Variants in MDGA2 observed in about 807,000 individuals in gnomAD.
MDGA2 encodes the protein MAM domain-containing glycosylphosphatidylinositol anchor protein 2.
MDGA2 carries 40 observed loss-of-function variants against 117.8 expected under a neutral mutation model. That is an observed-to-expected ratio of 0.34 (90% confidence interval 0.26 to 0.44). The LOEUF (loss-of-function observed/expected upper bound fraction) is 0.44. MDGA2 is among the 20% of genes least tolerant of loss of function. MDGA2 has a pLI of 1.00. For missense variants in MDGA2, 1,123 were observed against 1,250.6 expected (o/e 0.90, Z 1.54); for synonymous variants, 452 against 439.0 (o/e 1.03, Z -0.37).
Position 46,840,736 on chromosome 14 carries a change from T to C in MDGA2, c.*1195A>G, listed in dbSNP as rs544786578. On this transcript the variant is annotated 3_prime_UTR_variant, in exon 17 of 17. Transcript: ENST00000399232. ...GGCCAATTTCATTTCAAATGGAGGT[T>C]AGAGTAAAAAAATCACTTTTGTGTT... 2.2e-4 allele frequency: 33 copies of C among 152,622 alleles called. No individual in the cohort carries two copies. Among genetic ancestry groups the C allele is most frequent in the Middle Eastern group, 3.4e-3 (1 of 294 alleles). The allele number at this position is 152,622 out of a possible 1,614,324, so 9.5% of individuals were successfully genotyped here. A position where few individuals can be genotyped will look rare whatever the true frequency, so the allele number is the denominator to read the frequency against.
intron 2 of MDGA2, among the ~76,000 whole-genome samples, chr14:47,272,358 A>G (rs1011801960): frequency 1.3e-5 from 2 of 152,186 alleles, no homozygotes; most frequent in Non-Finnish European, 2.9e-5. Flanking sequence ...TGAATGGCCA[A>G]GCTATCTCTG....
chr14:47,038,184 G>A (rs1402062046), intron 7 of MDGA2, among the ~76,000 whole-genome samples: 2 of 151,996 alleles, frequency 1.3e-5, no homozygotes, highest in Non-Finnish European at 1.5e-5. Flanking sequence ...TACCCTCCTC[G>A]GCCTCCCAAA....
At chr14:47,497,203 A>T (rs547430820) in intron 1 of MDGA2, among the ~76,000 whole-genome samples, 5 of 152,212 alleles carry the variant, frequency 3.3e-5, no homozygotes, top group South Asian at 2.1e-4. Flanking sequence ...AAATTTAGAA[A>T]CCATTAAAAA....
At chr14:47,329,576 A>T (rs1890237236) in intron 1 of MDGA2, among the ~76,000 whole-genome samples, 1 of 152,040 alleles carries the variant, frequency 6.6e-6, no homozygotes, top group Non-Finnish European at 1.5e-5. Flanking sequence ...TCCAGAAACA[A>T]AAGTAAAGTT....
intron 9 of MDGA2, among the ~76,000 whole-genome samples, chr14:46,938,048 C>T (rs1370142897): frequency 6.6e-6 from 1 of 152,092 alleles, no homozygotes; most frequent in Non-Finnish European, 1.5e-5. Flanking sequence ...GCAAACTATT[C>T]ATATTACAGG....
rs551212565 is a variant in MDGA2 at position 46,862,575 on chromosome 14, T to C, written c.2753-7421A>G. On this transcript the variant is annotated intron_variant, in intron 14 of 16. Coordinates refer to ENST00000399232, the MANE Select transcript of MDGA2 (RefSeq NM_001113498.3). Reference sequence around the variant, plus strand: ...TTAAGTATATGTCCTAAAATGTGCATACATATTCCCCATAGAGTCTTGAAA... The same window carrying C: ...TTAAGTATATGTCCTAAAATGTGCACACATATTCCCCATAGAGTCTTGAAA... 3.3e-5 allele frequency among the ~76,000 whole-genome samples: 5 copies of C among 151,838 alleles called. No individual in the cohort carries two copies. The South Asian group carries it at 1.0e-3, about 31-fold the overall frequency.
chr14:47,411,535 T>C (rs953967495), intron 1 of MDGA2, among the ~76,000 whole-genome samples: 3 of 152,186 alleles, frequency 2.0e-5, no homozygotes, highest in African/African-American at 7.2e-5. Context: ...TAAATTTTAT[T>C]ACGTCACTAG....
chr14:47,036,027 T>C (rs1269408889), intron 7 of MDGA2, among the ~76,000 whole-genome samples: 4 of 151,994 alleles, frequency 2.6e-5, no homozygotes, highest in Admixed American at 6.6e-5. Context: ...CCCAGCACTT[T>C]GGGATAATGA....
chr14:47,669,995 A>T (rs1413891652), intron 1 of MDGA2, among the ~76,000 whole-genome samples: 2 of 152,098 alleles, frequency 1.3e-5, no homozygotes, highest in African/African-American at 2.4e-5. Context: ...ACCCACTAAA[A>T]TACCATCTGA....
chr14:47,446,443 C>G (rs542990909), intron 1 of MDGA2, among the ~76,000 whole-genome samples: 2 of 151,878 alleles, frequency 1.3e-5, no homozygotes, highest in African/African-American at 2.4e-5. Context: ...ACAGCTTAAA[C>G]AGTCATATTA....
intron 10 of MDGA2, among the ~76,000 whole-genome samples, chr14:46,898,874 A>C (rs1303951087): frequency 6.6e-6 from 1 of 152,096 alleles, no homozygotes; most frequent in Non-Finnish European, 1.5e-5. Context: ...GAAACAGTAT[A>C]AAAATATTAG....
chr14:47,222,528 C>T (rs1358352031), intron 2 of MDGA2, among the ~76,000 whole-genome samples: 1 of 152,040 alleles, frequency 6.6e-6, no homozygotes, highest in Non-Finnish European at 1.5e-5. Context: ...GAGATTCAGG[C>T]AGTTCTTGAT....
intron 6 of MDGA2, among the ~76,000 whole-genome samples, chr14:47,084,574 T>C (rs1001906560): frequency 6.6e-6 from 1 of 152,040 alleles, no homozygotes; most frequent in Admixed American, 6.6e-5. Flanking sequence ...ACTGAATGCA[T>C]GTGTTTTCCC....
chr14:47,561,171 G>GTTTTTTTTTTTTTTTTT lies in MDGA2; in HGVS notation c.280+113345_280+113346insAAAAAAAAAAAAAAAAA, dbSNP rs1594918273. Among the ~76,000 whole-genome samples the GTTTTTTTTTTTTTTTTT allele has an allele frequency of 7.2e-4, 49 of 68,462 alleles. 2 individuals are homozygous for GTTTTTTTTTTTTTTTTT. In the East Asian group the frequency reaches 8.0e-3, roughly 11 times the overall value. The allele number at this position is 68,462 out of a possible 152,430, so 44.9% of individuals were successfully genotyped here. A position where few individuals can be genotyped will look rare whatever the true frequency, so the allele number is the denominator to read the frequency against. On this transcript the variant is annotated intron_variant, in intron 1 of 16. Coordinates refer to ENST00000399232, the MANE Select transcript of MDGA2 (RefSeq NM_001113498.3). ...TTTTTTTGTTTTGTTTTGTTTTTTTGTTTGTTTGTTTTTTTTTGCTTAGGA... is the reference window on the plus strand; with the variant it reads ...TTTTTTTGTTTTGTTTTGTTTTTTTGTTTTTTTTTTTTTTTTTTTTGTTTGTTTTTTTTTGCTTAGGA...
At chr14:46,899,595 T>C (rs964025449) in intron 10 of MDGA2, among the ~76,000 whole-genome samples, 1 of 150,484 alleles carries the variant, frequency 6.6e-6, no homozygotes, top group African/African-American at 2.5e-5. Flanking sequence ...CCATGATAAA[T>C]AATGATAGAA....
At chr14:47,475,201 C>T (rs1346163868) in intron 1 of MDGA2, among the ~76,000 whole-genome samples, 5 of 152,134 alleles carry the variant, frequency 3.3e-5, no homozygotes. Context: ...AGAAGATATT[C>T]ATGTGGCCAA....
chr14:47,001,520 A>G (rs1887528743), intron 8 of MDGA2, among the ~76,000 whole-genome samples: 1 of 152,122 alleles, frequency 6.6e-6, no homozygotes, highest in Admixed American at 6.6e-5. Flanking sequence ...TGATGTAACC[A>G]GGATACATGC....
chr14:46,976,202 A>C (rs1886453341), intron 8 of MDGA2, among the ~76,000 whole-genome samples: 1 of 152,152 alleles, frequency 6.6e-6, no homozygotes, highest in South Asian at 2.1e-4. Context: ...AAAATATTTG[A>C]GATGGCAAAT....
intron 2 of MDGA2, among the ~76,000 whole-genome samples, chr14:47,229,490 C>G (rs894578659): frequency 1.3e-4 from 19 of 151,974 alleles, no homozygotes; most frequent in African/African-American, 4.6e-4. Flanking sequence ...TAAAAAATTA[C>G]TTAATAAAAA....
Sources: allele counts gnomAD v4.1 joint callset (sites outside exome capture counted in the v4.1 genomes callset), GRCh38; gene constraint gnomAD v4.1.1; transcripts MANE v1.5; gene names NCBI Gene and HGNC (gene_info 2026-07-23, HGNC 2026-07-21).